PIP5K1B: variants seen among roughly 807,000 people sequenced by gnomAD.
The protein encoded by PIP5K1B is phosphatidylinositol-4-phosphate 5-kinase type 1 beta, also known as phosphatidylinositol 4-phosphate 5-kinase type-1 beta.
In PIP5K1B, 42 loss-of-function variants were observed where a neutral mutation model predicts 67.0. The observed-to-expected ratio is 0.63, with a 90% CI of 0.49 to 0.81. The LOEUF is 0.81. Ranked by LOEUF, PIP5K1B falls within the 30% of genes least tolerant of loss-of-function variation. The probability of loss-of-function intolerance (pLI) is 0.00; values close to 1 mark genes in which losing one functional copy is unlikely to be tolerated. For missense variants in PIP5K1B, 459 were observed against 646.3 expected (o/e 0.71, Z 3.14); for synonymous variants, 214 against 231.4 (o/e 0.92, Z 0.68).
At chr9:68,906,096 T>G (rs1315084061) in intron 8 of PIP5K1B, among the ~76,000 whole-genome samples, 1 of 152,172 alleles carries the variant, frequency 6.6e-6, no homozygotes, top group African/African-American at 2.4e-5. Context: ...ATGGCTCACT[T>G]GCAACCTTCT....
intron 2 of PIP5K1B, among the ~76,000 whole-genome samples, chr9:68,814,759 G>T (rs1833349768): frequency 6.6e-6 from 1 of 152,172 alleles, no homozygotes; most frequent in Non-Finnish European, 1.5e-5. Flanking sequence ...GGTGGAGGTT[G>T]CAGTGAGCCG....
rs369589726 is a variant in PIP5K1B, at chr9:68,995,761, C to T, written c.1620+4504C>T. 3.8e-4 allele frequency among the ~76,000 whole-genome samples: 57 copies of T among 148,700 alleles called. 1 individual carries two copies. The highest frequency in any genetic ancestry group is 1.2e-3 in the African/African-American group (49 of 40,318). On this transcript the variant is annotated intron_variant, in intron 15 of 15. Coordinates refer to ENST00000265382, the MANE Select transcript of PIP5K1B (RefSeq NM_003558.4). ...CAGAGGTTGCGGTGAGCCAAGATTG[C>T]GCCATTGCACTCCAGCCTGGGCAAC...
intron 14 of PIP5K1B, among the ~76,000 whole-genome samples, chr9:68,944,811 A>C (rs1232311653): frequency 2.0e-5 from 3 of 152,356 alleles, no homozygotes; most frequent in Non-Finnish European, 2.9e-5. Context: ...TAAGGTTTAT[A>C]GACATGCAAG....
intron 13 of PIP5K1B, among the ~76,000 whole-genome samples, chr9:68,937,414 A>G (rs549580001): frequency 2.0e-5 from 3 of 152,150 alleles, no homozygotes; most frequent in Non-Finnish European, 4.4e-5. Flanking sequence ...GTATTCTCTG[A>G]TGGTAGTTTG....
chr9:68,905,277 T>C (rs570318840), intron 8 of PIP5K1B, among the ~76,000 whole-genome samples: 1 of 152,232 alleles, frequency 6.6e-6, no homozygotes, highest in Non-Finnish European at 1.5e-5. Flanking sequence ...GAAGGGGAAG[T>C]GGCCACACGG....
chr9:68,887,208 G>A (rs1824521057), intron 6 of PIP5K1B, among the ~76,000 whole-genome samples: 1 of 152,182 alleles, frequency 6.6e-6, no homozygotes, highest in Non-Finnish European at 1.5e-5. Context: ...TTTCTGATGT[G>A]TAATGTATTT....
At position 68,894,545 on chromosome 9, in the gene PIP5K1B, G is replaced by C; in HGVS notation, c.678G>C (p.Lys226Asn). Residue 226 changes from lysine to asparagine, a missense_variant, in exon 8 of 16, where the codon AAG (lysine) becomes AAC (asparagine). Coordinates refer to ENST00000265382, the MANE Select transcript of PIP5K1B (RefSeq NM_003558.4). The part of the protein sequence containing the change: ...KEREKSNPTF[K>N]DLDFLQDMHE... ...GAGAGAAATCCAACCCCACATTTAA[G>C]GACTTAGATTTCCTGCAAGACATGC... is the stretch of plus-strand genomic sequence containing the variant. 1 of 1,614,104 alleles carries C rather than the reference G, an allele frequency of 6.2e-7. No homozygotes were observed. The highest frequency in any genetic ancestry group is 8.5e-7 in the Non-Finnish European group (1 of 1,179,994).
chr9:68,914,331 CAG>C (rs1211726765), intron 8 of PIP5K1B, among the ~76,000 whole-genome samples: 1 of 152,178 alleles, frequency 6.6e-6, no homozygotes, highest in Non-Finnish European at 1.5e-5. Flanking sequence ...ACAGTATTGT[CAG>C]AGTCTTCTTA....
chr9:68,970,416 G>A (rs75483277), intron 14 of PIP5K1B, among the ~76,000 whole-genome samples: 2,707 of 152,294 alleles, frequency 0.018, 81 homozygotes, highest in African/African-American at 0.061. Context: ...GGGTTTGGTT[G>A]TTCCTGGCAA....
chr9:68,926,633 G>T (rs564985440), intron 12 of PIP5K1B, among the ~76,000 whole-genome samples: 1 of 151,956 alleles, frequency 6.6e-6, no homozygotes, highest in African/African-American at 2.4e-5. Context: ...GTGCAATGGC[G>T]CAATCTTGGC....
chr9:68,917,882 A>C, intron 9 of PIP5K1B, 123 bp downstream of exon 9: 2 of 697,386 alleles, frequency 2.9e-6, no homozygotes, highest in South Asian at 3.6e-5. Flanking sequence ...TTGGTGCTAA[A>C]ATGGGTTAAA....
intron 2 of PIP5K1B, among the ~76,000 whole-genome samples, chr9:68,815,237 A>T (rs116980237): frequency 6.7e-6 from 1 of 149,212 alleles, no homozygotes; most frequent in Admixed American, 6.8e-5. Context: ...ATTTAGGAAT[A>T]CTTTATAGCC....
chr9:68,987,488 G>A lies in PIP5K1B; in HGVS notation c.1503-3652G>A, dbSNP rs1194082918. Among the ~76,000 whole-genome samples, 9 of 152,250 alleles carry A rather than the reference G, an allele frequency of 5.9e-5. No homozygotes were observed. In the East Asian group the frequency reaches 1.3e-3, roughly 23 times the overall value. Reference sequence around the variant, plus strand: ...GAGGCAGGAGAATCACTTGAACCTGGGAGGCGGAGGTTGCAGTGAGCCAAG... The same window carrying A: ...GAGGCAGGAGAATCACTTGAACCTGAGAGGCGGAGGTTGCAGTGAGCCAAG... On this transcript the variant is annotated intron_variant, in intron 14 of 15. Transcript: ENST00000265382.
intron 11 of PIP5K1B, 42 bp downstream of exon 11, chr9:68,919,771 CT>C (rs775690995): frequency 8.8e-7 from 1 of 1,141,738 alleles, no homozygotes; most frequent in Non-Finnish European, 1.3e-6. Flanking sequence ...TATATTTCTG[CT>C]TTCTCAGAGA....
chr9:68,874,109 G>A (rs1294370414), intron 5 of PIP5K1B, among the ~76,000 whole-genome samples: 1 of 152,236 alleles, frequency 6.6e-6, no homozygotes, highest in African/African-American at 2.4e-5. Flanking sequence ...TGTTAATTAC[G>A]CCATGAAGCA....
At chr9:68,877,152 C>T (rs575976043) in intron 6 of PIP5K1B, among the ~76,000 whole-genome samples, 1 of 152,212 alleles carries the variant, frequency 6.6e-6, no homozygotes, top group East Asian at 1.9e-4. Flanking sequence ...TTATTTGTAC[C>T]ATTCCTCTCA....
chr9:68,802,690 G>C (rs564142298), intron 2 of PIP5K1B, among the ~76,000 whole-genome samples: 1 of 152,218 alleles, frequency 6.6e-6, no homozygotes, highest in South Asian at 2.1e-4. Context: ...GCCTGAGAGT[G>C]AAGGGGATGT....
intron 14 of PIP5K1B, among the ~76,000 whole-genome samples, chr9:68,942,851 A>G (rs1827632061): frequency 1.3e-5 from 2 of 152,238 alleles, no homozygotes; most frequent in Admixed American, 6.5e-5. Flanking sequence ...TTGCAAGAAC[A>G]AGAAACCACT....
At chr9:68,900,592 T>C (rs1825310029) in intron 8 of PIP5K1B, among the ~76,000 whole-genome samples, 2 of 152,234 alleles carry the variant, frequency 1.3e-5, no homozygotes. Context: ...AGACAAAGTA[T>C]ATTAGTGAGA....
Sources: allele counts gnomAD v4.1 joint callset (sites outside exome capture counted in the v4.1 genomes callset), GRCh38; gene constraint gnomAD v4.1.1; transcripts MANE v1.5; gene names NCBI Gene and HGNC (gene_info 2026-07-23, HGNC 2026-07-21).